Variants in DNAJC6 observed in about 807,000 individuals in gnomAD.
The protein encoded by DNAJC6 is DnaJ heat shock protein family (Hsp40) member C6, also known as auxilin.
In DNAJC6, 34 loss-of-function variants were observed where a neutral mutation model predicts 110.0. That is an observed-to-expected ratio of 0.31 (90% CI 0.24 to 0.41). DNAJC6 has a LOEUF of 0.41. Ranked by LOEUF, DNAJC6 falls within the 10% of genes least tolerant of loss-of-function variation. The probability of loss-of-function intolerance (pLI) is 1.00; values close to 1 mark genes in which losing one functional copy is unlikely to be tolerated. For synonymous variants in DNAJC6, 406 were observed against 437.2 expected, an observed-to-expected ratio of 0.93 and a Z score of 0.89; for missense variants, 1,031 against 1,207.8, an observed-to-expected ratio of 0.85 and a Z score of 2.17.
rs1645892228 is a variant in DNAJC6 at position 65,388,351 on chromosome 1, A to G, written c.1129A>G (p.Ile377Val). 1 of 1,614,088 alleles carries G rather than the reference A, an allele frequency of 6.2e-7. No individual in the cohort carries two copies. Among genetic ancestry groups the G allele is most frequent in the South Asian group, 1.1e-5 (1 of 91,082 alleles). Residue 377 changes from isoleucine (I) to valine (V), a missense_variant, in exon 9 of 19, where the codon ATA (isoleucine) becomes GTA (valine). By Grantham distance (29) the Ile-to-Val change is conservative. Transcript: ENST00000371069. ...GTATTTTTAGGTGACCAACACACAG[A>G]TATTCCAGCTTCAGTTTCACACTGG... ...RLQAKVTNTQ[I>V]FQLQFHTGFI...
At chr1:65,409,902 T>C (rs1646112554) in intron 17 of DNAJC6, among the ~76,000 whole-genome samples, 1 of 152,168 alleles carries the variant, frequency 6.6e-6, no homozygotes, top group South Asian at 2.1e-4. Flanking sequence ...TTTTTTAAGT[T>C]TGCAATTCAG....
At chr1:65,319,545 A>G (rs1367387940) in intron 1 of DNAJC6, among the ~76,000 whole-genome samples, 1 of 152,224 alleles carries the variant, frequency 6.6e-6, no homozygotes, top group African/African-American at 2.4e-5. Context: ...TGATGGAGGC[A>G]CAGCAAGAAT....
At chr1:65,391,383 G>A (rs886552464) in intron 11 of DNAJC6, among the ~76,000 whole-genome samples, 1 of 152,110 alleles carries the variant, frequency 6.6e-6, no homozygotes, top group African/African-American at 2.4e-5. Context: ...TCAAATTTTT[G>A]TGGGAAGATC....
chr1:65,311,629 A>G (rs1645102989), intron 1 of DNAJC6, among the ~76,000 whole-genome samples: 1 of 152,206 alleles, frequency 6.6e-6, no homozygotes, highest in African/African-American at 2.4e-5. Flanking sequence ...AATCTCCTTT[A>G]AATCTTAAAA....
At chr1:65,293,034 A>G (rs1178569890) in intron 1 of DNAJC6, among the ~76,000 whole-genome samples, 1 of 152,250 alleles carries the variant, frequency 6.6e-6, no homozygotes, top group Non-Finnish European at 1.5e-5. Flanking sequence ...GAGAGCAAGC[A>G]GAAATCCACA....
intron 1 of DNAJC6, among the ~76,000 whole-genome samples, chr1:65,358,178 CAAAAAAAAAAAA>C (rs11285114): frequency 2.5e-5 from 2 of 80,036 alleles, no homozygotes; most frequent in African/African-American, 9.2e-5. Context: ...GACTCAGTCT[CAAAAAAAAAAAA>C]AAAAAAAAAA....
chr1:65,403,591 C>T (rs4655762), intron 15 of DNAJC6, among the ~76,000 whole-genome samples: 60,385 of 152,018 alleles, frequency 0.4, 12,778 homozygotes, highest in East Asian at 0.74. Flanking sequence ...GTAAAATATC[C>T]GCTACTGTAG....
chr1:65,358,295 A>T (rs1172276468), intron 1 of DNAJC6, among the ~76,000 whole-genome samples: 1 of 152,150 alleles, frequency 6.6e-6, no homozygotes, highest in Admixed American at 6.5e-5. Context: ...ATAATTAAAT[A>T]TAATTACTAT....
chr1:65,363,702 T>C (rs1396047773), intron 1 of DNAJC6, among the ~76,000 whole-genome samples: 5 of 152,108 alleles, frequency 3.3e-5, no homozygotes, highest in African/African-American at 1.2e-4. Context: ...CCAGGAATGC[T>C]ACTCAACACC....
chr1:65,392,533 A>G lies in DNAJC6; in HGVS notation c.1571A>G (p.His524Arg), dbSNP rs755097900. 5 of 1,614,104 alleles carry G rather than the reference A, an allele frequency of 3.1e-6. No individual in the cohort carries two copies. The highest frequency in any genetic ancestry group is 4.2e-6 in the Non-Finnish European group (5 of 1,180,008). The change falls in exon 12 of 19, where the codon CAT (histidine) becomes CGT (arginine). Residue 524 changes from histidine to arginine, a missense_variant. By Grantham distance (29) the His-to-Arg change is conservative (BLOSUM62 0). Coordinates refer to ENST00000371069, the MANE Select transcript of DNAJC6 (RefSeq NM_001256864.2). ...DDELLTLSSP[H>R]GNANGDKPHG... is the part of the protein sequence containing the mutation. The stretch of plus-strand genomic sequence containing the variant: ...GAACTTCTGACACTTTCCAGTCCGC[A>G]TGGCAATGCCAATGGTGACAAGCCT...
At chr1:65,331,034 G>C in intron 1 of DNAJC6, among the ~76,000 whole-genome samples, 1 of 152,190 alleles carries the variant, frequency 6.6e-6, no homozygotes, top group African/African-American at 2.4e-5. Context: ...TTAATCACAT[G>C]GTCGTACCTG....
intron 8 of DNAJC6, among the ~76,000 whole-genome samples, chr1:65,387,620 A>C (rs1352754962): frequency 6.6e-6 from 1 of 152,262 alleles, no homozygotes; most frequent in African/African-American, 2.4e-5. Flanking sequence ...AGCATGTGTC[A>C]GTACTTCATT....
intron 1 of DNAJC6, among the ~76,000 whole-genome samples, chr1:65,326,786 C>T (rs1645245437): frequency 6.6e-6 from 1 of 152,248 alleles, no homozygotes; most frequent in Non-Finnish European, 1.5e-5. Context: ...TTCTATGCCA[C>T]TGCTTAAAGC....
At chr1:65,325,130 G>A (rs1200092427) in intron 1 of DNAJC6, among the ~76,000 whole-genome samples, 1 of 152,126 alleles carries the variant, frequency 6.6e-6, no homozygotes, top group Non-Finnish European at 1.5e-5. Context: ...AGGGCTGTTT[G>A]GCTAGGGCTA....
chr1:65,267,732 A>G (rs1172377756), intron 1 of DNAJC6, among the ~76,000 whole-genome samples: 2 of 152,178 alleles, frequency 1.3e-5, no homozygotes, highest in Non-Finnish European at 2.9e-5. Flanking sequence ...TTTTTAAAGG[A>G]TTCTAAGACT....
intron 4 of DNAJC6, among the ~76,000 whole-genome samples, chr1:65,368,440 C>G (rs1159794971): frequency 6.6e-6 from 1 of 152,074 alleles, no homozygotes; most frequent in East Asian, 1.9e-4. Context: ...ATGAGCTACT[C>G]CTTCTCCCTT....
At chr1:65,377,941 C>T (rs1645781809) in intron 4 of DNAJC6, among the ~76,000 whole-genome samples, 1 of 152,122 alleles carries the variant, frequency 6.6e-6, no homozygotes, top group African/African-American at 2.4e-5. Context: ...CTTCTTGTAT[C>T]CTTCTATCCA....
chr1:65,382,130 G>A (rs1165502849), intron 5 of DNAJC6, among the ~76,000 whole-genome samples: 1 of 152,154 alleles, frequency 6.6e-6, no homozygotes, highest in South Asian at 2.1e-4. Flanking sequence ...TTCTGAGAAA[G>A]TTTTGCACAG....
intron 1 of DNAJC6, among the ~76,000 whole-genome samples, chr1:65,335,739 G>T (rs1273637740): frequency 6.6e-6 from 1 of 152,188 alleles, no homozygotes; most frequent in Non-Finnish European, 1.5e-5. Context: ...ACAGAGGCCT[G>T]TTCCTATAGA....
Sources: gnomAD v4.1 joint callset for allele counts (sites outside exome capture counted in the v4.1 genomes callset) on GRCh38, gnomAD v4.1.1 for gene constraint, MANE v1.5 for transcripts, NCBI Gene and HGNC (gene_info 2026-07-23, HGNC 2026-07-21) for gene names.